Variants in CDH23 observed in about 807,000 individuals in gnomAD.
The protein encoded by CDH23 is cadherin related 23.
Under a neutral mutation model 317.1 loss-of-function variants are expected in CDH23, and 189 were observed. The observed-to-expected ratio is 0.60, with a 90% CI of 0.53 to 0.67. The LOEUF (loss-of-function observed/expected upper bound fraction) is 0.67. Ranked by LOEUF, CDH23 falls within the 30% of genes least tolerant of loss-of-function variation. The pLI is 0.00. For synonymous variants in CDH23, 1,839 were observed against 1,876.8 expected (o/e 0.98, Z 0.52); for missense variants, 4,401 against 4,592.4 (o/e 0.96, Z 1.20).
rs568677689 is a variant in CDH23, at chr10:71,797,133, C to T, written c.6742C>T (p.Arg2248Trp). ...TGTAATGGTGAAGTCCCCCATGAATCGGGAGCTGGTTGCCACCTATGAGGT... is the reference window on the plus strand; with the variant it reads ...TGTAATGGTGAAGTCCCCCATGAATTGGGAGCTGGTTGCCACCTATGAGGT... Reference protein sequence around the residue: ...GSVMVKSPMNRELVATYEVTL... With the variant: ...GSVMVKSPMNWELVATYEVTL... The change falls in exon 49 of 70, where the codon CGG (arginine) becomes TGG (tryptophan). Residue 2248 changes from arginine to tryptophan, a missense_variant. Transcript: ENST00000224721. 39 of 1,613,116 alleles carry T rather than the reference C, an allele frequency of 2.4e-5. No individual in the cohort carries two copies. Among genetic ancestry groups the T allele is most frequent in the African/African-American group, 4.0e-5 (3 of 75,018 alleles).
chr10:71,732,555 T>A (rs1839428154), intron 32 of CDH23, 180 bp downstream of exon 32: 1 of 1,317,286 alleles, frequency 7.6e-7, no homozygotes, highest in Admixed American at 2.5e-5. Context: ...TTGCTTCAGC[T>A]CAGGAGTTTG....
intron 38 of CDH23, chr10:71,750,207 A>C (rs1310377767): frequency 6.6e-6 from 1 of 152,272 alleles, no homozygotes; most frequent in Non-Finnish European, 1.5e-5. Context: ...AATGGCTCTG[A>C]AGCGAAGACT....
intron 69 of CDH23, among the ~76,000 whole-genome samples, chr10:71,813,971 T>C (rs1842034089): frequency 6.6e-6 from 1 of 152,196 alleles, no homozygotes. Flanking sequence ...TTGCCTGTAA[T>C]GATTATGTCA....
chr10:71,640,528 T>A (rs1029520706), intron 11 of CDH23, among the ~76,000 whole-genome samples: 2 of 152,134 alleles, frequency 1.3e-5, no homozygotes, highest in Admixed American at 6.5e-5. Context: ...GGCAGGCGGA[T>A]CATGAGGTCA....
At chr10:71,410,956 G>A (rs1197083700) in intron 1 of CDH23, among the ~76,000 whole-genome samples, 1 of 152,088 alleles carries the variant, frequency 6.6e-6, no homozygotes, top group Admixed American at 6.5e-5. Flanking sequence ...TGTGTCCTTT[G>A]GTGTACATAT....
chr10:71,751,732 C>A lies in CDH23; in HGVS notation c.4845+9811C>A. ...ACAGGGGGGTGCTGGGCTCCGAAAG[C>A]AGATGCCGCCCAGACTCAGAAGGCT... On this transcript the variant is annotated intron_variant, in intron 38 of 69. Coordinates refer to ENST00000224721, the MANE Select transcript of CDH23 (RefSeq NM_022124.6). This position sits in a 1 kb window ranked among gnomAD's most constrained non-coding sequence, Gnocchi z 4.9. The A allele has an allele frequency of 6.3e-7, 1 of 1,588,492 alleles. No homozygotes were observed. Among genetic ancestry groups the A allele is most frequent in the Non-Finnish European group, 8.6e-7 (1 of 1,168,578 alleles).
chr10:71,679,742 C>T (rs1231507679), intron 17 of CDH23, among the ~76,000 whole-genome samples: 5 of 152,314 alleles, frequency 3.3e-5, no homozygotes, highest in Admixed American at 6.5e-5. Context: ...GCCCTGCAAT[C>T]GAGCCAGAAG....
At position 71,807,354 on chromosome 10, in the gene CDH23, C is replaced by T. The variant is rs372846962; in HGVS notation, c.8256C>T (p.Gly2752=). The T allele has an allele frequency of 6.2e-4, 993 of 1,613,832 alleles. 10 individuals carry two copies. The highest frequency in any genetic ancestry group is 4.5e-4 in the African/African-American group (34 of 75,046). The change falls in exon 58 of 70, where the codon GGC becomes GGT. Residue 2752 remains glycine (G), a synonymous_variant. Transcript: ENST00000224721. The part of the protein sequence containing the change: ...PRGTLVGNVT[G]AVDADEGPNA... ...GCACCCTCGTGGGCAACGTGACAGG[C>T]GCAGTGGATGCAGATGAGGGCCCCA...
intron 1 of CDH23, among the ~76,000 whole-genome samples, chr10:71,422,929 AG>A (rs1848880519): frequency 6.6e-6 from 1 of 152,152 alleles, no homozygotes; most frequent in African/African-American, 2.4e-5. Context: ...AGAGGGGCAA[AG>A]CCTTTGGAAT....
chr10:71,589,908 A>C (rs80077029), intron 9 of CDH23, among the ~76,000 whole-genome samples: 3,429 of 152,256 alleles, frequency 0.023, 229 homozygotes, highest in East Asian at 0.2. Flanking sequence ...CTCTCAATAA[A>C]CCCATGAGAC....
At position 71,589,408 on chromosome 10, in the gene CDH23, G is replaced by A. The variant is rs142109670; in HGVS notation, c.832+11416G>A. ...GCTGGGATTACAGGCGTGAGCCACC[G>A]TGCCCAGCCTAAAGCAATTTTTTTA... On this transcript the variant is annotated intron_variant, in intron 9 of 69. Coordinates refer to ENST00000224721, the MANE Select transcript of CDH23 (RefSeq NM_022124.6). Among the ~76,000 whole-genome samples, 2,720 of 152,262 alleles carry A rather than the reference G, an allele frequency of 0.018. 158 individuals are homozygous for A. In the East Asian group the frequency reaches 0.19, roughly 11 times the overall value.
At chr10:71,670,159 G>A (rs993258153) in intron 14 of CDH23, among the ~76,000 whole-genome samples, 2 of 152,190 alleles carry the variant, frequency 1.3e-5, no homozygotes, top group Admixed American at 1.3e-4. Flanking sequence ...GCCTCGGCAG[G>A]GGCCAGGGTG....
At chr10:71,744,880 A>G (rs1241627282) in intron 38 of CDH23, among the ~76,000 whole-genome samples, 2 of 152,234 alleles carry the variant, frequency 1.3e-5, no homozygotes, top group Non-Finnish European at 2.9e-5. Flanking sequence ...TACCAACTTG[A>G]AAGATGTATA....
chr10:71,452,077 G>T (rs184738175), intron 3 of CDH23, among the ~76,000 whole-genome samples: 1 of 152,212 alleles, frequency 6.6e-6, no homozygotes, highest in African/African-American at 2.4e-5. Context: ...CAAGGCCCGC[G>T]CTGTGCCAGA....
intron 30 of CDH23, 55 bp from the exon 31 acceptor site, chr10:71,730,414 G>A: frequency 6.3e-7 from 1 of 1,594,600 alleles, no homozygotes; most frequent in East Asian, 2.2e-5. Context: ...CCAAGCCCTG[G>A]GCTTCCCAGC....
At chr10:71,750,357 T>C (rs1004845513) in intron 38 of CDH23, 15 of 151,866 alleles carry the variant, frequency 9.9e-5, no homozygotes, top group African/African-American at 3.4e-4. Flanking sequence ...TCCCGCTTCA[T>C]ACTCAGAAGT....
chr10:71,761,076 C>T, intron 38 of CDH23: 1 of 717,242 alleles, frequency 1.4e-6, no homozygotes, highest in Non-Finnish European at 2.5e-6. Flanking sequence ...CACGTGTGCA[C>T]CCACACACAC....
intron 9 of CDH23, among the ~76,000 whole-genome samples, chr10:71,588,267 C>G (rs946839682): frequency 6.6e-6 from 1 of 152,124 alleles, no homozygotes; most frequent in East Asian, 1.9e-4. Flanking sequence ...GTGCCTGCCA[C>G]GGGCAAGGCA....
At chr10:71,460,210 G>A (rs1044543848) in intron 3 of CDH23, among the ~76,000 whole-genome samples, 1 of 152,228 alleles carries the variant, frequency 6.6e-6, no homozygotes, top group African/African-American at 2.4e-5. Context: ...TGGATGAAGA[G>A]GAGAAACTTC....
Sources: allele counts gnomAD v4.1 joint callset (sites outside exome capture counted in the v4.1 genomes callset), GRCh38; gene constraint gnomAD v4.1.1; non-coding constraint Gnocchi (gnomAD v3.1); transcripts MANE v1.5; gene names NCBI Gene and HGNC (gene_info 2026-07-23, HGNC 2026-07-21).